The following GRAMD1C variants were observed in gnomAD, a reference collection of about 807,000 sequenced individuals.
GRAMD1C encodes the protein GRAM domain containing 1C.
Under a neutral mutation model 97.8 loss-of-function variants are expected in GRAMD1C, and 89 were observed. That is an observed-to-expected ratio of 0.91 (90% CI 0.77 to 1.09). The LOEUF is 1.09. GRAMD1C is among the 50% of genes least tolerant of loss of function. The probability of loss-of-function intolerance (pLI) is 0.00; values close to 1 mark genes in which losing one functional copy is unlikely to be tolerated. For synonymous variants in GRAMD1C, 256 were observed against 267.0 expected (o/e 0.96, Z 0.40); for missense variants, 740 against 766.4 (o/e 0.97, Z 0.41).
At chr3:113,877,838 T>A (rs1935104330) in intron 5 of GRAMD1C, among the ~76,000 whole-genome samples, 1 of 151,782 alleles carries the variant, frequency 6.6e-6, no homozygotes, top group South Asian at 2.1e-4. Flanking sequence ...AAGGCAATGG[T>A]GTGATCTTCG....
intron 1 of GRAMD1C, among the ~76,000 whole-genome samples, chr3:113,832,547 T>C (rs1709573317): frequency 2.0e-5 from 3 of 152,162 alleles, no homozygotes; most frequent in African/African-American, 2.4e-5. Flanking sequence ...TCTCCAGAAC[T>C]TTTTCTTCAC....
intron 1 of GRAMD1C, among the ~76,000 whole-genome samples, chr3:113,842,962 CA>C (rs1033981050): frequency 4.8e-4 from 53 of 110,804 alleles, no homozygotes; most frequent in Middle Eastern, 5.3e-3. Flanking sequence ...GACTCTGTTT[CA>C]AAAAAAAAAC....
chr3:113,874,461 A>G (rs2632247), intron 3 of GRAMD1C, among the ~76,000 whole-genome samples: 149,493 of 152,074 alleles, frequency 0.98, 73,538 homozygotes, highest in East Asian at 1. Flanking sequence ...AGATTCTCCC[A>G]CCTCAGCCTC....
At chr3:113,933,794 G>C in intron 12 of GRAMD1C, 141 bp downstream of exon 12, 1 of 606,162 alleles carries the variant, frequency 1.6e-6, no homozygotes, top group Non-Finnish European at 2.8e-6. Flanking sequence ...GAGCAGAGGA[G>C]TGGGGCTTCT....
Position 113,934,476 on chromosome 3 carries a change from T to C in GRAMD1C, c.1397T>C (p.Val466Ala). 1 of 1,591,088 alleles carries C rather than the reference T, an allele frequency of 6.3e-7. No individual in the cohort carries two copies. Residue 466 changes from valine to alanine, a missense_variant, in exon 13 of 18, where the codon GTC (valine) becomes GCC (alanine). Val to Ala is a moderately conservative substitution (Grantham distance 64). Coordinates refer to ENST00000358160, the MANE Select transcript of GRAMD1C (RefSeq NM_017577.5). ...LKYRKQPWGLVKSLIEKNSWS... is the reference protein window; with the variant it reads ...LKYRKQPWGLAKSLIEKNSWS... ...TACAGAAAACAGCCATGGGGCCTTG[T>C]CAAATCTTTAATTGAAAAGAATTCC...
chr3:113,875,995 GTTTTTCTCAGAGAA>G, intron 4 of GRAMD1C, 156 bp from the exon 5 acceptor site: 1 of 515,480 alleles, frequency 1.9e-6, no homozygotes, highest in South Asian at 3.3e-5. Flanking sequence ...TGCTTACCCT[GTTTTTCTCAGAGAA>G]TACAAGCGTG....
chr3:113,890,259 A>G (rs747221089), intron 6 of GRAMD1C, among the ~76,000 whole-genome samples: 6 of 152,162 alleles, frequency 3.9e-5, no homozygotes, highest in Admixed American at 2.0e-4. Context: ...AGTAGAAGTG[A>G]CTAGCTTGGA....
upstream of GRAMD1C, among the ~76,000 whole-genome samples, chr3:113,838,129 G>C (rs1293990431): frequency 6.6e-6 from 1 of 152,178 alleles, no homozygotes; most frequent in Non-Finnish European, 1.5e-5. Flanking sequence ...TAGATTTTCA[G>C]GTTAAATTTG....
intron 6 of GRAMD1C, among the ~76,000 whole-genome samples, chr3:113,887,564 G>A (rs1372566222): frequency 6.6e-6 from 1 of 151,064 alleles, no homozygotes; most frequent in Non-Finnish European, 1.5e-5. Flanking sequence ...GCCGGGCATG[G>A]TGGTAGGGCA....
At chr3:113,860,004 A>G (rs1686184536) in intron 2 of GRAMD1C, among the ~76,000 whole-genome samples, 1 of 152,196 alleles carries the variant, frequency 6.6e-6, no homozygotes, top group African/African-American at 2.4e-5. Flanking sequence ...TTATGGTGCT[A>G]TCAAATGAAT....
intron 5 of GRAMD1C, 33 bp from the exon 6 acceptor site, chr3:113,882,719 A>G (rs550805820): frequency 3.3e-6 from 4 of 1,220,364 alleles, no homozygotes; most frequent in African/African-American, 1.5e-5. Flanking sequence ...ATTTTCCATG[A>G]CACTAAAATT....
At chr3:113,892,239 AG>A (rs1412885615) in intron 6 of GRAMD1C, among the ~76,000 whole-genome samples, 1 of 152,094 alleles carries the variant, frequency 6.6e-6, no homozygotes, top group African/African-American at 2.4e-5. Flanking sequence ...TGGGAGGCTG[AG>A]GTGGGCTGAC....
chr3:113,902,988 A>T (rs1936232097), intron 7 of GRAMD1C, among the ~76,000 whole-genome samples: 1 of 137,804 alleles, frequency 7.3e-6, no homozygotes. Flanking sequence ...TTTTTTGGAG[A>T]TGGAGTCTCA....
chr3:113,843,049 G>GTTTTTTTT (rs71144092), intron 1 of GRAMD1C, among the ~76,000 whole-genome samples: 29 of 53,418 alleles, frequency 5.4e-4, no homozygotes, highest in Admixed American at 7.7e-4. Flanking sequence ...ACCATAAGCT[G>GTTTTTTTT]TTTTTTTTTT....
rs149921918 is a variant in GRAMD1C at position 113,858,060 on chromosome 3, A to G, written c.175-11447A>G. ...TTGTTCTGTTTTTTGGAGAGATTGT[A>G]TAGAATTAATTTTTTTAATGTTTTG... On this transcript the variant is annotated intron_variant, in intron 2 of 17. Coordinates refer to ENST00000358160, the MANE Select transcript of GRAMD1C (RefSeq NM_017577.5). 3.9e-3 allele frequency among the ~76,000 whole-genome samples: 589 copies of G among 152,250 alleles called. 7 individuals carry two copies. The highest frequency in any genetic ancestry group is 0.028 in the South Asian group (134 of 4,814).
intron 2 of GRAMD1C, among the ~76,000 whole-genome samples, chr3:113,848,185 GTC>G (rs1363189081): frequency 6.6e-6 from 1 of 152,210 alleles, no homozygotes; most frequent in African/African-American, 2.4e-5. Flanking sequence ...CTGGAATAGA[GTC>G]TCTGCTCTGC....
At chr3:113,890,573 G>A (rs1302654900) in intron 6 of GRAMD1C, 2 of 550,686 alleles carry the variant, frequency 3.6e-6, no homozygotes, top group Non-Finnish European at 6.5e-6. Flanking sequence ...TCTAGCACTG[G>A]CTGAAAACTC....
At chr3:113,933,727 G>C in intron 12 of GRAMD1C, 74 bp downstream of exon 12, 1 of 1,033,606 alleles carries the variant, frequency 9.7e-7, no homozygotes, top group Non-Finnish European at 1.5e-6. Context: ...TGAATTCTTA[G>C]TAGTAGCTTT....
chr3:113,933,869 G>C (rs2107371421), intron 12 of GRAMD1C, among the ~76,000 whole-genome samples: 1 of 152,344 alleles, frequency 6.6e-6, no homozygotes, highest in Middle Eastern at 3.4e-3. Context: ...AATATGTGTT[G>C]TTTCAGTTGC....
Sources: allele counts gnomAD v4.1 joint callset (sites outside exome capture counted in the v4.1 genomes callset), GRCh38; gene constraint gnomAD v4.1.1; transcripts MANE v1.5; gene names NCBI Gene and HGNC (gene_info 2026-07-23, HGNC 2026-07-21).